The following ERC2 variants were observed in gnomAD, a reference collection of about 807,000 sequenced individuals.
ERC2 encodes ERC protein 2.
ERC2 carries 42 observed loss-of-function variants against 114.8 expected under a neutral mutation model. The observed-to-expected ratio is 0.37, with a 90% CI of 0.29 to 0.47. ERC2 has a LOEUF of 0.47. Among genes scored for constraint, ERC2 ranks in the 20% least tolerant of loss-of-function variants. The pLI is 0.99. For synonymous variants in ERC2, 454 were observed against 425.5 expected, an observed-to-expected ratio of 1.07 and a Z score of -0.82; for missense variants, 939 against 1,150.7, an observed-to-expected ratio of 0.82 and a Z score of 2.66.
chr3:56,149,730 TC>T (rs2081319564), intron 4 of ERC2, among the ~76,000 whole-genome samples: 2 of 152,262 alleles, frequency 1.3e-5, no homozygotes, highest in South Asian at 4.1e-4. Context: ...AAATAATACA[TC>T]ACAATGTCAT....
intron 2 of ERC2, among the ~76,000 whole-genome samples, chr3:56,358,370 T>G (rs1054291008): frequency 9.2e-5 from 14 of 152,330 alleles, no homozygotes; most frequent in African/African-American, 3.1e-4. Flanking sequence ...CATATTCTTT[T>G]AAACTTCCAA....
chr3:55,612,203 C>T (rs1275588426), intron 17 of ERC2, among the ~76,000 whole-genome samples: 2 of 150,456 alleles, frequency 1.3e-5, no homozygotes, highest in Admixed American at 6.6e-5. Flanking sequence ...GCCTCCTGAT[C>T]GAGTCTACAC....
intron 14 of ERC2, among the ~76,000 whole-genome samples, chr3:55,817,846 C>A (rs951489236): frequency 3.9e-5 from 6 of 152,204 alleles, no homozygotes; most frequent in Admixed American, 2.0e-4. Context: ...ATGTTAGTCT[C>A]ATTATCACCA....
rs568360047 is a variant in ERC2 at position 55,788,692 on chromosome 3, T to C, written c.2565-53774A>G. 3.1e-3 allele frequency among the ~76,000 whole-genome samples: 467 copies of C among 152,322 alleles called. 2 individuals are homozygous for C. The highest frequency in any genetic ancestry group is 0.011 in the African/African-American group (445 of 41,582). ...CTCCCCAAGGTCTTGGTTTCCCAGATGTCAACATAAACAGGCTGGAGGTGA... is the reference window on the plus strand; with the variant it reads ...CTCCCCAAGGTCTTGGTTTCCCAGACGTCAACATAAACAGGCTGGAGGTGA... On this transcript the variant is annotated intron_variant, in intron 14 of 17. Transcript: ENST00000288221.
At chr3:56,195,415 GA>G (rs1251656050) in intron 3 of ERC2, among the ~76,000 whole-genome samples, 1 of 152,002 alleles carries the variant, frequency 6.6e-6, no homozygotes. Flanking sequence ...GTGAATAACT[GA>G]AAAAAATGCA....
intron 8 of ERC2, among the ~76,000 whole-genome samples, chr3:56,011,538 A>T (rs2072937524): frequency 6.6e-6 from 1 of 152,160 alleles, no homozygotes; most frequent in African/African-American, 2.4e-5. Context: ...CACTGAAATG[A>T]AAACACTGCT....
chr3:55,830,515 C>T (rs926870712), intron 14 of ERC2, among the ~76,000 whole-genome samples: 10 of 152,148 alleles, frequency 6.6e-5, no homozygotes, highest in Non-Finnish European at 4.4e-5. Flanking sequence ...ATATATAATA[C>T]ATTTGACAAA....
At chr3:56,458,701 G>C (rs1330648649) in intron 1 of ERC2, among the ~76,000 whole-genome samples, 2 of 152,184 alleles carry the variant, frequency 1.3e-5, no homozygotes, top group South Asian at 2.1e-4. Flanking sequence ...TCAGGGAGAG[G>C]CTTCATGAAC....
intron 6 of ERC2, among the ~76,000 whole-genome samples, chr3:56,101,194 G>A (rs1030286021): frequency 6.2e-4 from 95 of 152,206 alleles, no homozygotes; most frequent in African/African-American, 2.1e-3. Context: ...TGCACTCTGC[G>A]GACTGCAGGC....
intron 7 of ERC2, among the ~76,000 whole-genome samples, chr3:56,077,529 C>T (rs2077030550): frequency 6.6e-6 from 1 of 152,312 alleles, no homozygotes; most frequent in Admixed American, 6.5e-5. Flanking sequence ...TTCTGCAAAA[C>T]ATTTGCATTG....
At position 56,229,670 on chromosome 3, in the gene ERC2, C is replaced by T. The variant is rs1280623941; in HGVS notation, c.1075-56150G>A. Among the ~76,000 whole-genome samples, 3 of 151,986 alleles carry T rather than the reference C, an allele frequency of 2.0e-5. No individual in the cohort carries two copies. In the East Asian group the frequency reaches 5.8e-4, roughly 29 times the overall value. On this transcript the variant is annotated intron_variant, in intron 3 of 17. Coordinates refer to ENST00000288221, the MANE Select transcript of ERC2 (RefSeq NM_015576.3). ...GAAGGCTTCTAGTCTTATTATGAGG[C>T]TTATTAATTACTTAAGCAGAAGACA...
chr3:56,109,438 T>A (rs2078845142), intron 6 of ERC2, among the ~76,000 whole-genome samples: 1 of 152,208 alleles, frequency 6.6e-6, no homozygotes, highest in African/African-American at 2.4e-5. Context: ...GGCATTTAGG[T>A]TGATTCCATG....
At chr3:55,611,667 C>T (rs1412470897) in intron 17 of ERC2, among the ~76,000 whole-genome samples, 1 of 152,208 alleles carries the variant, frequency 6.6e-6, no homozygotes, top group Non-Finnish European at 1.5e-5. Flanking sequence ...CTATCCCATG[C>T]TGTCCCCTCA....
At chr3:56,300,591 A>G (rs530944077) in intron 2 of ERC2, among the ~76,000 whole-genome samples, 7 of 152,374 alleles carry the variant, frequency 4.6e-5, no homozygotes, top group African/African-American at 1.7e-4. Flanking sequence ...ATTAAGAAAC[A>G]GTGAAAGCAA....
chr3:55,909,071 G>A (rs111639810), intron 13 of ERC2, among the ~76,000 whole-genome samples: 196 of 152,260 alleles, frequency 1.3e-3, no homozygotes, highest in African/African-American at 4.6e-3. Flanking sequence ...GGCACAGGAT[G>A]GTTAAATAGG....
intron 2 of ERC2, among the ~76,000 whole-genome samples, chr3:56,321,745 G>C (rs1284931255): frequency 6.6e-6 from 1 of 152,120 alleles, no homozygotes; most frequent in Non-Finnish European, 1.5e-5. Flanking sequence ...TTTCCTGTTT[G>C]TAAATCAAGC....
intron 2 of ERC2, among the ~76,000 whole-genome samples, chr3:56,355,549 C>T (rs536740678): frequency 7.2e-5 from 11 of 152,138 alleles, no homozygotes; most frequent in African/African-American, 2.2e-4. Context: ...TGCACTCAAG[C>T]GATCCTCCTG....
chr3:55,787,497 G>C (rs1336042350), intron 14 of ERC2, among the ~76,000 whole-genome samples: 1 of 152,140 alleles, frequency 6.6e-6, no homozygotes, highest in Non-Finnish European at 1.5e-5. Flanking sequence ...CCCAGTATGT[G>C]ATCTCCATTC....
intron 2 of ERC2, among the ~76,000 whole-genome samples, chr3:56,423,491 G>C (rs1046440511): frequency 6.6e-6 from 1 of 152,204 alleles, no homozygotes; most frequent in Admixed American, 6.5e-5. Flanking sequence ...GTCCCCTGGA[G>C]AAAAAACTGC....
Sources: gnomAD v4.1 joint callset for allele counts (sites outside exome capture counted in the v4.1 genomes callset) on GRCh38, gnomAD v4.1.1 for gene constraint, MANE v1.5 for transcripts, NCBI Gene and HGNC (gene_info 2026-07-23, HGNC 2026-07-21) for gene names.